The following SPECC1 variants were observed in gnomAD, a reference collection of about 807,000 sequenced individuals.
SPECC1 encodes the protein sperm antigen with calponin homology and coiled-coil domains 1, also known as cytospin-B.
SPECC1 carries 62 observed loss-of-function variants against 104.1 expected under a neutral mutation model. That is an observed-to-expected ratio of 0.60 (90% confidence interval 0.49 to 0.74). The LOEUF is 0.74. Among genes scored for constraint, SPECC1 ranks in the 30% least tolerant of loss-of-function variants. SPECC1 has a pLI of 0.00. For missense variants in SPECC1, 1,306 were observed against 1,310.5 expected, an observed-to-expected ratio of 1.00 and a Z score of 0.05; for synonymous variants, 513 against 501.6, an observed-to-expected ratio of 1.02 and a Z score of -0.30.
At chr17:20,171,712 TA>T (rs2034106533) in intron 3 of SPECC1, among the ~76,000 whole-genome samples, 1 of 152,122 alleles carries the variant, frequency 6.6e-6, no homozygotes, top group South Asian at 2.1e-4. Flanking sequence ...CTCACTTGGC[TA>T]ATTTTTTTAA....
At chr17:20,224,140 A>G (rs1177247002) in intron 4 of SPECC1, among the ~76,000 whole-genome samples, 1 of 152,140 alleles carries the variant, frequency 6.6e-6, no homozygotes, top group East Asian at 1.9e-4. Context: ...ATCTAGGAGA[A>G]TTTCCCGGTT....
chr17:20,215,811 T>G (rs1267216850), intron 4 of SPECC1, among the ~76,000 whole-genome samples: 1 of 152,234 alleles, frequency 6.6e-6, no homozygotes, highest in Non-Finnish European at 1.5e-5. Context: ...CCTTATTCTC[T>G]TTAGTCTACA....
chr17:20,220,739 G>T (rs1056886758), intron 4 of SPECC1, among the ~76,000 whole-genome samples: 1 of 152,062 alleles, frequency 6.6e-6, no homozygotes, highest in African/African-American at 2.4e-5. Flanking sequence ...GTGACAGTGG[G>T]CATCCTTATC....
chr17:20,257,750 G>A (rs2039886443), intron 11 of SPECC1, 143 bp downstream of exon 11: 1 of 1,158,736 alleles, frequency 8.6e-7, no homozygotes, highest in Non-Finnish European at 1.2e-6. Flanking sequence ...CCTGCCCTTG[G>A]TGAGTCTAAA....
intron 3 of SPECC1, among the ~76,000 whole-genome samples, chr17:20,192,712 A>C (rs1266298004): frequency 6.6e-6 from 1 of 152,136 alleles, no homozygotes; most frequent in Non-Finnish European, 1.5e-5. Context: ...GACAGTATTC[A>C]TATGTTCTAG....
At chr17:20,311,373 AT>A (rs749854561) in intron 14 of SPECC1, among the ~76,000 whole-genome samples, 12 of 146,362 alleles carry the variant, frequency 8.2e-5, no homozygotes, top group South Asian at 2.2e-4. Context: ...CTTCCAGTAC[AT>A]TTTTTTTTTG....
rs939868037 is a variant in SPECC1, at chr17:20,316,459, C to T, written c.*2394C>T. On this transcript the variant is annotated 3_prime_UTR_variant, in exon 15 of 15. Transcript: ENST00000395527. The stretch of plus-strand genomic sequence containing the variant: ...TCAGCTCACTGCAACCTCCGCCGCC[C>T]GTGTTTAAGCGATTCTCCTGCCTCA... 9 of 193,616 alleles carry T rather than the reference C, an allele frequency of 4.6e-5. No individual in the cohort carries two copies. The South Asian group carries it at 5.8e-4, about 13-fold the overall frequency. 12.0% of individuals were successfully genotyped at this position (193,616 alleles called of 1,614,324 possible).
At chr17:20,197,309 T>C (rs2036100670) in intron 3 of SPECC1, among the ~76,000 whole-genome samples, 1 of 152,212 alleles carries the variant, frequency 6.6e-6, no homozygotes, top group Admixed American at 6.5e-5. Flanking sequence ...AGCCAATATT[T>C]CTGGCTTTTG....
At chr17:20,143,639 G>T (rs1269242982) in intron 3 of SPECC1, among the ~76,000 whole-genome samples, 1 of 151,978 alleles carries the variant, frequency 6.6e-6, no homozygotes, top group Non-Finnish European at 1.5e-5. Context: ...CTGCACTCCA[G>T]CCTGTGCAAC....
At chr17:20,143,064 A>G (rs1158006457) in intron 3 of SPECC1, among the ~76,000 whole-genome samples, 3 of 152,028 alleles carry the variant, frequency 2.0e-5, no homozygotes, top group African/African-American at 7.2e-5. Context: ...ATTAAAAAAT[A>G]AAAATAATAA....
At chr17:20,034,241 G>T (rs2044959686) in intron 1 of SPECC1, among the ~76,000 whole-genome samples, 2 of 151,984 alleles carry the variant, frequency 1.3e-5, no homozygotes, top group Non-Finnish European at 2.9e-5. Context: ...GGGATTACAG[G>T]CATGCACCAT....
At chr17:20,099,432 G>A (rs903465004) in intron 2 of SPECC1, among the ~76,000 whole-genome samples, 1 of 149,688 alleles carries the variant, frequency 6.7e-6, no homozygotes, top group Non-Finnish European at 1.5e-5. Context: ...TGCCACTTTG[G>A]GAGGCTGAGG....
At chr17:20,267,013 AC>A (rs2040239714) in intron 12 of SPECC1, among the ~76,000 whole-genome samples, 1 of 152,152 alleles carries the variant, frequency 6.6e-6, no homozygotes, top group African/African-American at 2.4e-5. Flanking sequence ...AGCCAGACCC[AC>A]CTGCCGAGCT....
At chr17:20,260,147 A>C in intron 11 of SPECC1, 45 bp from the exon 12 acceptor site, 1 of 1,454,818 alleles carries the variant, frequency 6.9e-7, no homozygotes. Flanking sequence ...GAGAATTCTA[A>C]GTATTAGCAT....
chr17:20,088,148 C>T (rs1253959527), intron 1 of SPECC1, among the ~76,000 whole-genome samples: 1 of 152,122 alleles, frequency 6.6e-6, no homozygotes, highest in East Asian at 1.9e-4. Flanking sequence ...GGACAAAGAC[C>T]TTGGGCTTTC....
chr17:20,314,105 C>A lies in SPECC1; in HGVS notation c.*40C>A. ...GGGCAGCCACCATTGCCACCTACTG[C>A]AGCTTTTCCTGGAAGCGCCTGATTA... is the stretch of plus-strand genomic sequence containing the variant. On this transcript the variant is annotated 3_prime_UTR_variant, in exon 15 of 15. Coordinates refer to ENST00000395527, the MANE Select transcript of SPECC1 (RefSeq NM_001243439.2). 1.3e-6 allele frequency: 2 copies of A among 1,573,076 alleles called. No homozygotes were observed. The highest frequency in any genetic ancestry group is 1.7e-6 in the Non-Finnish European group (2 of 1,146,680).
At chr17:20,169,075 G>A (rs1160954823) in intron 3 of SPECC1, among the ~76,000 whole-genome samples, 4 of 152,136 alleles carry the variant, frequency 2.6e-5, no homozygotes, top group African/African-American at 9.7e-5. Context: ...GTTTCACTAT[G>A]TTGCCCAGGC....
chr17:20,297,812 C>G (rs971042323), intron 13 of SPECC1, among the ~76,000 whole-genome samples: 1 of 152,174 alleles, frequency 6.6e-6, no homozygotes, highest in Non-Finnish European at 1.5e-5. Flanking sequence ...GTGCTGGGTC[C>G]CGCTGTTGGT....
rs144623859 is a variant in SPECC1 at position 20,312,659 on chromosome 17, G to A, written c.3118-1317G>A. ...ATTTTAGGTTGCCAGGCCTCAGTCT[G>A]TGTGCAGTCATGACTACAGCCAGTG... is the stretch of plus-strand genomic sequence containing the variant. On this transcript the variant is annotated intron_variant, in intron 14 of 14. Coordinates refer to ENST00000395527, the MANE Select transcript of SPECC1 (RefSeq NM_001243439.2). Among the ~76,000 whole-genome samples, 372 of 152,336 alleles carry A rather than the reference G, an allele frequency of 2.4e-3. 1 individual carries two copies. Among genetic ancestry groups the A allele is most frequent in the Non-Finnish European group, 3.9e-3 (264 of 68,040 alleles).
Sources: allele counts gnomAD v4.1 joint callset (sites outside exome capture counted in the v4.1 genomes callset), GRCh38; gene constraint gnomAD v4.1.1; transcripts MANE v1.5; gene names NCBI Gene and HGNC (gene_info 2026-07-23, HGNC 2026-07-21).